Variants in CBFA2T3 observed in about 807,000 individuals in gnomAD.
CBFA2T3 encodes the protein transcriptional corepressor CBFA2T3.
In CBFA2T3, 31 loss-of-function variants were observed where a neutral mutation model predicts 58.6. That is an observed-to-expected ratio of 0.53 (90% CI 0.40 to 0.71). The LOEUF (loss-of-function observed/expected upper bound fraction) is 0.71, where lower values mean the gene tolerates loss of function less well. Among genes scored for constraint, CBFA2T3 ranks in the 30% least tolerant of loss-of-function variants. CBFA2T3 has a pLI of 0.00. For missense variants in CBFA2T3, 1,076 were observed against 963.1 expected, an observed-to-expected ratio of 1.12 and a Z score of -1.55; for synonymous variants, 531 against 421.9, an observed-to-expected ratio of 1.26 and a Z score of -3.17.
rs189102389 is a variant in CBFA2T3 at position 88,881,460 on chromosome 16, C to T, written c.1233G>A (p.Glu411=). 1.9e-6 allele frequency: 3 copies of T among 1,609,756 alleles called. No individual in the cohort carries two copies. The highest frequency in any genetic ancestry group is 3.3e-5 in the Admixed American group (2 of 59,916). The stretch of plus-strand genomic sequence containing the variant: ...GCACCGTGAGCGAGCGCCGCGTCTT[C>T]TCCACCATGTCCATGATGCAGTTCA... ...NLLNCIMDMV[E]KTRRSLTVLR... The change falls in exon 9 of 12, where the codon GAG becomes GAA. Residue 411 remains glutamate (E), a synonymous_variant. Coordinates refer to ENST00000268679, the MANE Select transcript of CBFA2T3 (RefSeq NM_005187.6).
chr16:88,951,549 G>A, intron 1 of CBFA2T3: 1 of 363,868 alleles, frequency 2.7e-6, no homozygotes, highest in Non-Finnish European at 5.3e-6. Context: ...AATCAGGGTG[G>A]CGACCGGGTT....
chr16:88,901,560 G>A lies in CBFA2T3; in HGVS notation c.248C>T (p.Pro83Leu), dbSNP rs1222084212. The A allele has an allele frequency of 2.0e-6, 3 of 1,480,752 alleles. No homozygotes were observed. Among genetic ancestry groups the A allele is most frequent in the South Asian group, 2.8e-5 (2 of 72,446 alleles). 91.7% of individuals were successfully genotyped at this position (1,480,752 alleles called of 1,614,324 possible). A position where few individuals can be genotyped will look rare whatever the true frequency, so the allele number is the denominator to read the frequency against. The change falls in exon 2 of 12, where the codon CCA (proline) becomes CTA (leucine). Residue 83 changes from proline (P) to leucine (L), a missense_variant. By Grantham distance (98) the Pro-to-Leu change is moderately conservative (BLOSUM62 -3). Coordinates refer to ENST00000268679, the MANE Select transcript of CBFA2T3 (RefSeq NM_005187.6). ...GGCCCCCTGGGATGCGGCAGGCGGT[G>A]GGGGCGGCATGCTGGGGGGTGTGGA... The part of the protein sequence containing the change: ...PRSTPPSMPP[P>L]PPAASQGATR...
chr16:88,897,088 G>A (rs996816205), intron 3 of CBFA2T3, among the ~76,000 whole-genome samples: 2 of 152,236 alleles, frequency 1.3e-5, no homozygotes, highest in East Asian at 3.8e-4. Flanking sequence ...AGATGCGACA[G>A]AGGCACCCTA....
chr16:88,903,163 C>T (rs1413132925), intron 1 of CBFA2T3, among the ~76,000 whole-genome samples: 2 of 152,222 alleles, frequency 1.3e-5, no homozygotes, highest in Admixed American at 6.5e-5. Flanking sequence ...CACGGCCACG[C>T]GGACTCTGTG....
At chr16:88,884,730 C>G in intron 7 of CBFA2T3, 1 of 287,714 alleles carries the variant, frequency 3.5e-6, no homozygotes, top group Non-Finnish European at 6.6e-6. Flanking sequence ...GAGGAGGAAA[C>G]TGAGAAGCAG....
chr16:88,931,703 G>C (rs1459389290), intron 1 of CBFA2T3, among the ~76,000 whole-genome samples: 3 of 152,188 alleles, frequency 2.0e-5, no homozygotes, highest in Non-Finnish European at 4.4e-5. Flanking sequence ...CTGGCCTGCA[G>C]CTCAGGCCTC....
In CBFA2T3 at chr16:88,881,164, G is replaced by A. The variant is rs763312307; in HGVS notation, c.1402+127C>T. Reference sequence around the variant, plus strand: ...CCGTGTTTTCCTACAAAGTGAAAAAGGTGCCTCTTTCTCAAGCGAAACTGT... The same window carrying A: ...CCGTGTTTTCCTACAAAGTGAAAAAAGTGCCTCTTTCTCAAGCGAAACTGT... On this transcript the variant is annotated intron_variant, in intron 9 of 11. Coordinates refer to ENST00000268679, the MANE Select transcript of CBFA2T3 (RefSeq NM_005187.6). The A allele has an allele frequency of 1.3e-5, 11 of 873,458 alleles. No individual in the cohort carries two copies. In the East Asian group the frequency reaches 1.3e-4, roughly 10 times the overall value. 54.1% of individuals were successfully genotyped at this position (873,458 alleles called of 1,614,324 possible). A position where few individuals can be genotyped will look rare whatever the true frequency, so the allele number is the denominator to read the frequency against.
At chr16:88,925,472 T>A (rs1351636736) in intron 1 of CBFA2T3, among the ~76,000 whole-genome samples, 1 of 152,098 alleles carries the variant, frequency 6.6e-6, no homozygotes, top group Non-Finnish European at 1.5e-5. Flanking sequence ...AGGCCCTTCC[T>A]GTGCCAGGCA....
At chr16:88,884,162 G>C (rs1185413462) in intron 7 of CBFA2T3, 1 of 152,274 alleles carries the variant, frequency 6.6e-6, no homozygotes, top group Non-Finnish European at 1.5e-5. Context: ...TGCCTGACCC[G>C]GCTGCAGCAT....
At chr16:88,896,137 C>T (rs115047430) in intron 3 of CBFA2T3, among the ~76,000 whole-genome samples, 210 of 152,320 alleles carry the variant, frequency 1.4e-3, no homozygotes, top group African/African-American at 4.7e-3. Flanking sequence ...ACAGCCCCCA[C>T]ACCTAGTGGA....
chr16:88,959,180 G>A (rs1972303150), intron 1 of CBFA2T3, among the ~76,000 whole-genome samples: 1 of 152,242 alleles, frequency 6.6e-6, no homozygotes, highest in South Asian at 2.1e-4. Flanking sequence ...CACATGTGCT[G>A]TGTGCCATGT....
At chr16:88,895,979 C>G (rs1969872756) in intron 3 of CBFA2T3, among the ~76,000 whole-genome samples, 1 of 152,220 alleles carries the variant, frequency 6.6e-6, no homozygotes, top group Non-Finnish European at 1.5e-5. Flanking sequence ...GCAGTGACCT[C>G]CTTTGTACTG....
At chr16:88,891,346 G>A (rs1218964681) in intron 5 of CBFA2T3, among the ~76,000 whole-genome samples, 1 of 152,156 alleles carries the variant, frequency 6.6e-6, no homozygotes, top group African/African-American at 2.4e-5. Flanking sequence ...CTCATCCTCA[G>A]CCCTCACCAA....
At chr16:88,896,821 G>A (rs1449183725) in intron 3 of CBFA2T3, among the ~76,000 whole-genome samples, 4 of 152,190 alleles carry the variant, frequency 2.6e-5, no homozygotes, top group Non-Finnish European at 4.4e-5. Context: ...TCCCTTAGGT[G>A]CGCTTACCAG....
At chr16:88,922,055 A>G (rs890296218) in intron 1 of CBFA2T3, among the ~76,000 whole-genome samples, 2 of 152,206 alleles carry the variant, frequency 1.3e-5, no homozygotes, top group Admixed American at 1.3e-4. Context: ...CTCTGATTTC[A>G]GGGCTGGTGT....
intron 1 of CBFA2T3, among the ~76,000 whole-genome samples, chr16:88,923,441 C>A: frequency 6.6e-6 from 1 of 152,352 alleles, no homozygotes; most frequent in East Asian, 1.9e-4. Flanking sequence ...GGGGGCCTCT[C>A]AGACCTTTGG....
intron 1 of CBFA2T3, among the ~76,000 whole-genome samples, chr16:88,923,465 C>G (rs543369432): frequency 6.6e-6 from 1 of 152,358 alleles, no homozygotes; most frequent in East Asian, 1.9e-4. Flanking sequence ...CCCATGTTAC[C>G]CGCCACATCC....
At chr16:88,878,132 C>T (rs983039772) in intron 11 of CBFA2T3, among the ~76,000 whole-genome samples, 6 of 152,268 alleles carry the variant, frequency 3.9e-5, no homozygotes, top group Admixed American at 6.5e-5. Context: ...TCATTCCTCC[C>T]GGCATCTGCT....
At chr16:88,893,307 C>T (rs566921135) in intron 3 of CBFA2T3, among the ~76,000 whole-genome samples, 19 of 147,296 alleles carry the variant, frequency 1.3e-4, no homozygotes, top group African/African-American at 4.0e-4. Context: ...GTGCCCCCCC[C>T]GACACACAGG....
Sources: allele counts gnomAD v4.1 joint callset (sites outside exome capture counted in the v4.1 genomes callset), GRCh38; gene constraint gnomAD v4.1.1; transcripts MANE v1.5; gene names NCBI Gene and HGNC (gene_info 2026-07-23, HGNC 2026-07-21).